Variants in SUMF1 observed in about 807,000 individuals in gnomAD.
SUMF1 encodes sulfatase modifying factor 1.
In SUMF1, 48 loss-of-function variants were observed where a neutral mutation model predicts 47.6. The observed-to-expected ratio is 1.01, with a 90% CI of 0.80 to 1.28. The LOEUF is 1.28. SUMF1 is among the 50% of genes most tolerant of loss of function. The pLI is 0.00. For missense variants in SUMF1, 571 were observed against 485.4 expected (o/e 1.18, Z -1.66); for synonymous variants, 230 against 192.1 (o/e 1.20, Z -1.63).
intron 9 of SUMF1, among the ~76,000 whole-genome samples, chr3:4,038,584 T>A (rs1333850316): frequency 6.6e-6 from 1 of 152,014 alleles, no homozygotes; most frequent in Non-Finnish European, 1.5e-5. Context: ...GGTGTGAGCT[T>A]GGGGCTCCAC....
intron 8 of SUMF1, among the ~76,000 whole-genome samples, chr3:4,351,657 G>A (rs1345298754): frequency 6.6e-6 from 1 of 152,126 alleles, no homozygotes; most frequent in Non-Finnish European, 1.5e-5. Context: ...TTTCTTTAGG[G>A]TAACATCATC....
intron 8 of SUMF1, among the ~76,000 whole-genome samples, chr3:4,081,581 G>C (rs988042857): frequency 3.3e-5 from 5 of 152,180 alleles, no homozygotes; most frequent in African/African-American, 1.2e-4. Context: ...CAGCTGGGCT[G>C]TATGGGCTCA....
chr3:4,443,479 AGAGGCCAGGCATGGTGGCT>A (rs1702675787), intron 3 of SUMF1, among the ~76,000 whole-genome samples: 1 of 151,530 alleles, frequency 6.6e-6, no homozygotes, highest in Non-Finnish European at 1.5e-5. Context: ...AATAAAAAGA[AGAGGCCAGGCATGGTGGCT>A]GATGCACGTA....
In SUMF1 at chr3:4,109,886, C is replaced by T. The variant is rs556710161; in HGVS notation, c.1015-41141G>A. On this transcript the variant is annotated intron_variant and NMD_transcript_variant, in intron 8 of 12. Coordinates refer to the SUMF1 transcript ENST00000448413. ...TGGGTTCAAACTTCCTCCTTTAGCT[C>T]GGAGTAGTTTGATTGTCTGAAGCCT... 2.5e-4 allele frequency among the ~76,000 whole-genome samples: 38 copies of T among 152,146 alleles called. No individual in the cohort carries two copies. The East Asian group carries it at 4.6e-3, about 19-fold the overall frequency.
intron 7 of SUMF1, among the ~76,000 whole-genome samples, chr3:4,379,445 C>G (rs377760612): frequency 6.6e-6 from 1 of 152,144 alleles, no homozygotes; most frequent in Admixed American, 6.5e-5. Flanking sequence ...GAGAAGGATT[C>G]CTGGAAGTCA....
chr3:4,081,347 T>C (rs1190016447), intron 8 of SUMF1, among the ~76,000 whole-genome samples: 2 of 151,852 alleles, frequency 1.3e-5, no homozygotes, highest in African/African-American at 4.9e-5. Context: ...ACTGCCTGCT[T>C]CTACTCAGAT....
At chr3:4,203,503 G>C (rs1695584216) in intron 8 of SUMF1, among the ~76,000 whole-genome samples, 3 of 151,738 alleles carry the variant, frequency 2.0e-5, no homozygotes, top group Non-Finnish European at 4.4e-5. Flanking sequence ...TTTTCTTGTA[G>C]GCAACAGATT....
intron 8 of SUMF1, among the ~76,000 whole-genome samples, chr3:4,253,448 G>A (rs138785587): frequency 0.016 from 2,474 of 152,274 alleles, 84 homozygotes; most frequent in African/African-American, 0.057. Flanking sequence ...TGCCTCACCT[G>A]GGAAGCACAA....
intron 8 of SUMF1, chr3:4,314,537 CAA>C (rs1026804171): frequency 6.7e-6 from 1 of 149,134 alleles, no homozygotes; most frequent in Non-Finnish European, 1.5e-5. Flanking sequence ...ATGTTGTAAC[CAA>C]AAGTCAGAAA....
intron 8 of SUMF1, among the ~76,000 whole-genome samples, chr3:4,073,089 C>T (rs554259493): frequency 2.0e-5 from 3 of 152,246 alleles, no homozygotes; most frequent in Middle Eastern, 3.4e-3. Flanking sequence ...CAGAGAGAAA[C>T]GTTGGGTTAC....
chr3:4,251,516 T>C (rs1372771483), intron 8 of SUMF1, among the ~76,000 whole-genome samples: 1 of 152,218 alleles, frequency 6.6e-6, no homozygotes, highest in Admixed American at 6.5e-5. Context: ...AAAATGCACA[T>C]CATCACATGC....
At chr3:4,162,958 C>A (rs1694612756) in intron 8 of SUMF1, among the ~76,000 whole-genome samples, 1 of 151,878 alleles carries the variant, frequency 6.6e-6, no homozygotes. Context: ...ATGTGGAATG[C>A]TTCACAGAAC....
At chr3:4,133,056 A>G (rs1468447574) in intron 8 of SUMF1, among the ~76,000 whole-genome samples, 1 of 152,190 alleles carries the variant, frequency 6.6e-6, no homozygotes, top group Non-Finnish European at 1.5e-5. Flanking sequence ...GGAATAACGT[A>G]GTCATTAATA....
chr3:4,342,331 G>A (rs1349932061), intron 8 of SUMF1, among the ~76,000 whole-genome samples: 1 of 152,140 alleles, frequency 6.6e-6, no homozygotes, highest in Non-Finnish European at 1.5e-5. Context: ...TCAGGAGTTC[G>A]AGACCAGGCT....
At chr3:4,272,652 G>T (rs1444821059) in intron 8 of SUMF1, among the ~76,000 whole-genome samples, 1 of 152,100 alleles carries the variant, frequency 6.6e-6, no homozygotes, top group African/African-American at 2.4e-5. Context: ...GTTAATAACT[G>T]TTTCTTAAAA....
In SUMF1 at chr3:4,417,018, G is replaced by A. The variant is rs1276856593; in HGVS notation, c.840+110C>T. 9.7e-5 allele frequency: 97 copies of A among 997,184 alleles called. 2 individuals are homozygous for A. In the Admixed American group the frequency reaches 1.6e-3, roughly 16 times the overall value. 61.8% of individuals were successfully genotyped at this position (997,184 alleles called of 1,614,324 possible). A position where few individuals can be genotyped will look rare whatever the true frequency, so the allele number is the denominator to read the frequency against. On this transcript the variant is annotated intron_variant, in intron 6 of 8. Transcript: ENST00000272902. ...TACGTGCAACAGTGAATGCATACAC[G>A]AAGGGAACACCGTGTGAGTCACAAA...
intron 8 of SUMF1, among the ~76,000 whole-genome samples, chr3:4,217,911 G>A (rs1453680823): frequency 1.3e-5 from 2 of 151,896 alleles, no homozygotes; most frequent in African/African-American, 4.8e-5. Flanking sequence ...GGTCTGATTT[G>A]GGACACCTAC....
intron 8 of SUMF1, among the ~76,000 whole-genome samples, chr3:4,353,730 T>C (rs1699558913): frequency 6.6e-6 from 1 of 152,100 alleles, no homozygotes; most frequent in Admixed American, 6.5e-5. Context: ...GCTGGAGGTC[T>C]CTGGGGTCTC....
intron 8 of SUMF1, among the ~76,000 whole-genome samples, chr3:4,092,325 T>C (rs1047993282): frequency 1.4e-4 from 22 of 152,136 alleles, no homozygotes; most frequent in Admixed American, 1.4e-3. Flanking sequence ...AGGCTTTGCA[T>C]GTAAAGTGGG....
Sources: allele counts gnomAD v4.1 joint callset (sites outside exome capture counted in the v4.1 genomes callset), GRCh38; gene constraint gnomAD v4.1.1; transcripts MANE v1.5; gene names NCBI Gene and HGNC (gene_info 2026-07-23, HGNC 2026-07-21).